Variants in PCDHGB2 observed in about 807,000 individuals in gnomAD.
PCDHGB2 encodes the protein protocadherin gamma-B2.
Under a neutral mutation model 59.3 loss-of-function variants are expected in PCDHGB2, and 55 were observed. The ratio of observed to expected loss-of-function variants is 0.93; its 90% confidence interval spans 0.75 to 1.16. The LOEUF (loss-of-function observed/expected upper bound fraction) is 1.16. Among genes scored for constraint, PCDHGB2 ranks in the 50% most tolerant of loss-of-function variants. The pLI is 0.00. For missense variants in PCDHGB2, 1,228 were observed against 1,198.5 expected (o/e 1.02, Z -0.36); for synonymous variants, 516 against 512.0 (o/e 1.01, Z -0.11).
At chr5:141,494,972 C>T (rs1005793988) in intron 2 of PCDHGB2, 107 bp downstream of exon 2, 69 of 1,581,734 alleles carry the variant, frequency 4.4e-5, no homozygotes, top group Non-Finnish European at 5.9e-5. Context: ...TGGCTTCTCC[C>T]TCAGTTTGAG....
chr5:141,443,064 G>A (rs76234738), intron 1 of PCDHGB2, among the ~76,000 whole-genome samples: 48 of 152,264 alleles, frequency 3.2e-4, no homozygotes, highest in African/African-American at 1.1e-3. Context: ...ACTGAAGAGC[G>A]TCTTATGACT....
rs1004089667 is a variant in PCDHGB2, at chr5:141,497,399, C to G, written c.2480+2534C>G. The stretch of plus-strand genomic sequence containing the variant: ...TGGGGTGAGCACCTTACCCCTGCCT[C>G]AACTCCCATTCCATCAAATGAGAGG... On this transcript the variant is annotated intron_variant, in intron 2 of 3. Coordinates refer to ENST00000522605, the MANE Select transcript of PCDHGB2 (RefSeq NM_018923.3). Among the ~76,000 whole-genome samples the G allele has an allele frequency of 5.9e-5, 9 of 152,146 alleles. 1 individual carries two copies. The highest frequency in any genetic ancestry group is 1.2e-4 in the Non-Finnish European group (8 of 68,034).
At chr5:141,412,876 A>T (rs1206092699) in intron 1 of PCDHGB2, 2 of 281,096 alleles carry the variant, frequency 7.1e-6, no homozygotes, top group Admixed American at 4.9e-5. Flanking sequence ...AAATATAATA[A>T]TCCAACAGAA....
chr5:141,415,848 A>C (rs1222834072), intron 1 of PCDHGB2: 1 of 1,241,178 alleles, frequency 8.1e-7, no homozygotes, highest in Non-Finnish European at 1.0e-6. Context: ...GCTTTGCAGA[A>C]CCTTGTAGTT....
chr5:141,379,834 G>GA (rs199662644), intron 1 of PCDHGB2, among the ~76,000 whole-genome samples: 3,037 of 141,342 alleles, frequency 0.021, 48 homozygotes, highest in South Asian at 0.041. Flanking sequence ...GAAGCATCAG[G>GA]AAAAAAAACT....
intron 1 of PCDHGB2, among the ~76,000 whole-genome samples, chr5:141,424,888 G>C (rs2096846233): frequency 6.6e-6 from 1 of 152,178 alleles, no homozygotes; most frequent in Non-Finnish European, 1.5e-5. Context: ...GACTTATCTA[G>C]GGTTTTTGAT....
intron 1 of PCDHGB2, among the ~76,000 whole-genome samples, chr5:141,444,315 G>A (rs2098431855): frequency 6.6e-6 from 1 of 151,946 alleles, no homozygotes; most frequent in South Asian, 2.1e-4. Flanking sequence ...AGGATTACAG[G>A]CATGTGCCAC....
intron 1 of PCDHGB2, chr5:141,396,168 T>C (rs2093349513): frequency 2.0e-5 from 3 of 152,184 alleles, no homozygotes; most frequent in Admixed American, 2.0e-4. Flanking sequence ...AGTTATTCAG[T>C]CTTGGCTGGA....
At chr5:141,404,593 A>C in intron 1 of PCDHGB2, 1 of 1,614,080 alleles carries the variant, frequency 6.2e-7, no homozygotes, top group Non-Finnish European at 8.5e-7. Flanking sequence ...GCAATGTGTC[A>C]TTGAGACTGT....
At chr5:141,404,906 C>T (rs776779922) in intron 1 of PCDHGB2, 7 of 1,613,864 alleles carry the variant, frequency 4.3e-6, no homozygotes, top group Non-Finnish European at 5.1e-6. Context: ...CCATGGCCAG[C>T]CCCCTCTCTC....
chr5:141,423,300 G>T, intron 1 of PCDHGB2: 2 of 1,614,146 alleles, frequency 1.2e-6, no homozygotes, highest in African/African-American at 1.3e-5. Context: ...CAGACCTCTC[G>T]CTGTACTTGG....
chr5:141,470,870 G>GT (rs1230952624), intron 1 of PCDHGB2, among the ~76,000 whole-genome samples: 1 of 151,546 alleles, frequency 6.6e-6, no homozygotes, highest in Non-Finnish European at 1.5e-5. Context: ...TTGTTTGTTT[G>GT]TTTTTTTGTT....
intron 1 of PCDHGB2, chr5:141,375,382 T>C (rs1197726438): frequency 6.2e-7 from 1 of 1,613,986 alleles, no homozygotes; most frequent in Non-Finnish European, 8.5e-7. Flanking sequence ...CACCTCTGTC[T>C]ACAGAAACAA....
rs771088007 is a variant in PCDHGB2 at position 141,423,000 on chromosome 5, G to T, written c.2421+60444G>T. On this transcript the variant is annotated intron_variant, in intron 1 of 3. Coordinates refer to ENST00000522605, the MANE Select transcript of PCDHGB2 (RefSeq NM_018923.3). ...CGGAACCTGGCTACCTGGTGACCAA[G>T]GTGGTTGCGGTGGACAAAGATTCAG... The T allele has an allele frequency of 2.5e-6, 4 of 1,614,116 alleles. No individual in the cohort carries two copies. The African/African-American group carries it at 5.3e-5, about 22-fold the overall frequency.
Position 141,410,123 on chromosome 5 carries a change from C to T in PCDHGB2, c.2421+47567C>T. ...AGGCGACAGGGACGCAGCCCGCCAG[C>T]GCCTGCTGGTCGCTGTGCGTGACGG... On this transcript the variant is annotated intron_variant, in intron 1 of 3. Coordinates refer to ENST00000522605, the MANE Select transcript of PCDHGB2 (RefSeq NM_018923.3). The T allele has an allele frequency of 1.2e-6, 2 of 1,612,780 alleles. No individual in the cohort carries two copies. The highest frequency in any genetic ancestry group is 1.7e-6 in the Non-Finnish European group (2 of 1,179,646).
chr5:141,366,437 G>A lies in PCDHGB2; in HGVS notation c.2421+3881G>A, dbSNP rs201380639. The A allele has an allele frequency of 4.0e-4, 649 of 1,614,042 alleles. No individual in the cohort carries two copies. The highest frequency in any genetic ancestry group is 4.5e-4 in the Non-Finnish European group (535 of 1,180,064). ...GGTGGCAGTGGCTGCAGTCTCCTGC[G>A]TCTTCCTGGCCTTCGTCATCGTGCT... is the stretch of plus-strand genomic sequence containing the variant. On this transcript the variant is annotated intron_variant, in intron 1 of 3. Coordinates refer to ENST00000522605, the MANE Select transcript of PCDHGB2 (RefSeq NM_018923.3).
Position 141,485,046 on chromosome 5 carries a change from G to A in PCDHGB2, c.2422-9761G>A. On this transcript the variant is annotated intron_variant, in intron 1 of 3. Transcript: ENST00000522605. This position sits in a 1 kb window ranked among gnomAD's most constrained non-coding sequence, Gnocchi z 5.7. ...AAAAACGGCGCGTAACCCTTGCGGCGCCGGCCGAACCGCGCCAGAGCTGGC... is the reference window on the plus strand; with the variant it reads ...AAAAACGGCGCGTAACCCTTGCGGCACCGGCCGAACCGCGCCAGAGCTGGC... 2 of 750,304 alleles carry A rather than the reference G, an allele frequency of 2.7e-6. No individual in the cohort carries two copies. The highest frequency in any genetic ancestry group is 4.5e-6 in the Non-Finnish European group (2 of 443,046). The allele number at this position is 750,304 out of a possible 1,614,324, so 46.5% of individuals were successfully genotyped here. A position where few individuals can be genotyped will look rare whatever the true frequency, so the allele number is the denominator to read the frequency against.
chr5:141,370,997 C>A (rs1449241372), intron 1 of PCDHGB2: 1 of 1,613,866 alleles, frequency 6.2e-7, no homozygotes, highest in Non-Finnish European at 8.5e-7. Flanking sequence ...CACCCCTGGA[C>A]AGGGAAGAGC....
chr5:141,467,912 G>A (rs879405529), intron 1 of PCDHGB2, among the ~76,000 whole-genome samples: 1 of 152,086 alleles, frequency 6.6e-6, no homozygotes, highest in Admixed American at 6.6e-5. Context: ...GCCCACCTCA[G>A]CCTCCCAAAA....
Sources: gnomAD v4.1 joint callset for allele counts (sites outside exome capture counted in the v4.1 genomes callset) on GRCh38, gnomAD v4.1.1 for gene constraint, Gnocchi (gnomAD v3.1) non-coding constraint, MANE v1.5 for transcripts, NCBI Gene and HGNC (gene_info 2026-07-23, HGNC 2026-07-21) for gene names.